DNAH17: variants seen among roughly 807,000 people sequenced by gnomAD.
DNAH17 encodes the protein axonemal beta dynein heavy chain 17.
In DNAH17, 376 loss-of-function variants were observed where a neutral mutation model predicts 485.6. That is an observed-to-expected ratio of 0.77 (90% confidence interval 0.71 to 0.84). The LOEUF is 0.84. DNAH17 is among the 40% of genes least tolerant of loss of function. The pLI is 0.00. For synonymous variants in DNAH17, 3,031 were observed against 2,405.9 expected (o/e 1.26, Z -7.60); for missense variants, 6,370 against 5,839.3 (o/e 1.09, Z -2.96).
chr17:78,506,698 G>C, intron 30 of DNAH17, 22 bp downstream of exon 30: 1 of 1,613,594 alleles, frequency 6.2e-7, no homozygotes, highest in Non-Finnish European at 8.5e-7. Flanking sequence ...TTAAACACCG[G>C]AATGCAAGGG....
intron 26 of DNAH17, 187 bp from the exon 27 acceptor site, chr17:78,510,693 C>T (rs762115853): frequency 3.5e-5 from 25 of 708,440 alleles, no homozygotes; most frequent in Admixed American, 5.6e-5. Context: ...CAAGCCTCAC[C>T]TTCCTTCCCT....
intron 55 of DNAH17, among the ~76,000 whole-genome samples, chr17:78,467,732 C>T (rs1049656936): frequency 7.2e-5 from 11 of 152,216 alleles, no homozygotes; most frequent in African/African-American, 2.4e-4. Context: ...CCTGCTTACC[C>T]TAGAGGTGAT....
At position 78,492,757 on chromosome 17, in the gene DNAH17, T is replaced by C. The variant is rs1236904276; in HGVS notation, c.6417A>G (p.Lys2139=). The change falls in exon 42 of 81, where the codon AAA becomes AAG. Residue 2139 remains lysine (K), a synonymous_variant. Transcript: ENST00000389840. ...GGTTCTGATAGGTCTTGTTGAGGGA[T>C]TTGAGGACCTGGCGAAGGTGGGGGT... ...NAGSGKSQVL[K]SLNKTYQNLK... 6.2e-7 allele frequency: 1 copy of C among 1,611,308 alleles called. No homozygotes were observed. Among genetic ancestry groups the C allele is most frequent in the Non-Finnish European group, 8.5e-7 (1 of 1,178,804 alleles).
At chr17:78,515,066 A>G (rs1200125435) in intron 25 of DNAH17, 44 bp from the exon 26 acceptor site, 1 of 1,605,004 alleles carries the variant, frequency 6.2e-7, no homozygotes, top group East Asian at 2.2e-5. Flanking sequence ...CTCATCAAGG[A>G]GAATTCAGGA....
intron 79 of DNAH17, 22 bp downstream of exon 79, chr17:78,426,435 T>TCTC (rs778214432): frequency 6.3e-7 from 1 of 1,575,832 alleles, no homozygotes; most frequent in South Asian, 1.2e-5. Flanking sequence ...TTAGGAAGCC[T>TCTC]CTCAGAGAAA....
intron 48 of DNAH17, among the ~76,000 whole-genome samples, chr17:78,481,740 C>G (rs1412628921): frequency 6.6e-6 from 1 of 152,184 alleles, no homozygotes; most frequent in Non-Finnish European, 1.5e-5. Flanking sequence ...ATAGGCCAGG[C>G]ACAGTGGCTC....
At chr17:78,569,687 C>T (rs540209681) in intron 7 of DNAH17, among the ~76,000 whole-genome samples, 160 bp from the exon 8 acceptor site, 5 of 152,264 alleles carry the variant, frequency 3.3e-5, no homozygotes, top group Admixed American at 2.6e-4. Context: ...GGGGACCGAG[C>T]TGCTTCCCCT....
At position 78,570,367 on chromosome 17, in the gene DNAH17, G is replaced by A. The variant is rs1397906513; in HGVS notation, c.924C>T (p.Pro308=). 6.2e-7 allele frequency: 1 copy of A among 1,609,950 alleles called. No homozygotes were observed. Among genetic ancestry groups the A allele is most frequent in the Non-Finnish European group, 8.5e-7 (1 of 1,178,674 alleles). Residue 308 remains proline (P), a synonymous_variant, in exon 7 of 81, where the codon CCC becomes CCT. Coordinates refer to ENST00000389840, the MANE Select transcript of DNAH17 (RefSeq NM_173628.4). ...EMEQADFTML[P]TFIAKVLDTI... is the part of the protein sequence containing the mutation. Reference sequence around the variant, plus strand: ...TGTCCAGCACCTTGGCAATGAAGGTGGGGAGCTGGGGGGAGACAGGCCCAG... The same window carrying A: ...TGTCCAGCACCTTGGCAATGAAGGTAGGGAGCTGGGGGGAGACAGGCCCAG...
chr17:78,480,061 G>T (rs1485687791), intron 49 of DNAH17, among the ~76,000 whole-genome samples: 3 of 83,366 alleles, frequency 3.6e-5, no homozygotes, highest in African/African-American at 7.9e-5. Context: ...AAAAAAGTAT[G>T]TCCCAGGCCG....
At position 78,560,905 on chromosome 17, in the gene DNAH17, G is replaced by C. The variant is rs1483965214; in HGVS notation, c.1866C>G (p.Thr622=). The C allele has an allele frequency of 5.2e-6, 8 of 1,550,748 alleles. No individual in the cohort carries two copies. Among genetic ancestry groups the C allele is most frequent in the Non-Finnish European group, 4.4e-6 (5 of 1,147,088 alleles). Residue 622 remains threonine, a synonymous_variant, in exon 13 of 81, where the codon ACC becomes ACG. Transcript: ENST00000389840. ...PVMSGAEAKL[T]YQKYDEMMEL... Reference sequence around the variant, plus strand: ...CCATCATCTCGTCATACTTCTGATAGGTCAGCTTGGCCTCTGCTCCAGACA... The same window carrying C: ...CCATCATCTCGTCATACTTCTGATACGTCAGCTTGGCCTCTGCTCCAGACA...
At chr17:78,431,454 C>G (rs893746807) in intron 75 of DNAH17, among the ~76,000 whole-genome samples, 2 of 151,336 alleles carry the variant, frequency 1.3e-5, no homozygotes, top group African/African-American at 2.4e-5. Flanking sequence ...GGGAACCCCC[C>G]ACCCCGAGAC....
At chr17:78,527,356 AGCCTGG>A (rs1421616859) in intron 22 of DNAH17, among the ~76,000 whole-genome samples, 1 of 152,190 alleles carries the variant, frequency 6.6e-6, no homozygotes, top group African/African-American at 2.4e-5. Context: ...ACTGCACTCC[AGCCTGG>A]GTGACAGAGT....
At chr17:78,426,191 G>C (rs189275950) in intron 79 of DNAH17, among the ~76,000 whole-genome samples, 1 of 152,210 alleles carries the variant, frequency 6.6e-6, no homozygotes, top group African/African-American at 2.4e-5. Flanking sequence ...TATAGAGGAC[G>C]GCTTACCCTT....
In DNAH17 at chr17:78,449,521, G is replaced by T; in HGVS notation, c.11104C>A (p.Arg3702=). ...RTTPANEVKQ[R]VINLTDEITY... The stretch of plus-strand genomic sequence containing the variant: ...ATCTCGTCCGTCAGGTTGATCACCC[G>T]CTGCTTCACCTCGTTGGCAGGGGTG... Residue 3702 remains arginine, a synonymous_variant, in exon 69 of 81, where the codon CGG becomes AGG. Transcript: ENST00000389840. 6.3e-7 allele frequency: 1 copy of T among 1,597,778 alleles called. No homozygotes were observed. Among genetic ancestry groups the T allele is most frequent in the South Asian group, 1.1e-5 (1 of 88,130 alleles).
Position 78,444,481 on chromosome 17 carries a change from G to C in DNAH17, c.11528+123C>G, listed in dbSNP as rs935079549. 3.4e-6 allele frequency: 3 copies of C among 893,352 alleles called. No homozygotes were observed. In the African/African-American group the frequency reaches 5.2e-5, roughly 15 times the overall value. The allele number at this position is 893,352 out of a possible 1,614,324, so 55.3% of individuals were successfully genotyped here. A position where few individuals can be genotyped will look rare whatever the true frequency, so the allele number is the denominator to read the frequency against. On this transcript the variant is annotated intron_variant, in intron 71 of 80. Transcript: ENST00000389840. ...CCCTGTTTCGTTTCTGTGTAAAATGGGGAGAAGAAAAAAGTTCAGGGGATC... is the reference window on the plus strand; with the variant it reads ...CCCTGTTTCGTTTCTGTGTAAAATGCGGAGAAGAAAAAAGTTCAGGGGATC...
rs868375269 is a variant in DNAH17, at chr17:78,432,906, C to A, written c.12225+1123G>T. Among the ~76,000 whole-genome samples, 4 of 117,340 alleles carry A rather than the reference C, an allele frequency of 3.4e-5. 1 individual carries two copies. The highest frequency in any genetic ancestry group is 7.8e-5 in the Admixed American group (1 of 12,778). 77.0% of individuals were successfully genotyped at this position (117,340 alleles called of 152,430 possible). A position where few individuals can be genotyped will look rare whatever the true frequency, so the allele number is the denominator to read the frequency against. On this transcript the variant is annotated intron_variant, in intron 75 of 80. Transcript: ENST00000389840. ...AGCAGAGCAGGCTTCAAACGTGCCC[C>A]CCCCCCCCGACCCCGGTGCCAGCAC...
rs1406189474 is a variant in DNAH17, at chr17:78,537,301, T to C, written c.2857A>G (p.Lys953Glu). 1 of 1,560,940 alleles carries C rather than the reference T, an allele frequency of 6.4e-7. No individual in the cohort carries two copies. Among genetic ancestry groups the C allele is most frequent in the Non-Finnish European group, 8.7e-7 (1 of 1,152,732 alleles). Reference sequence around the variant, plus strand: ...GGCCAGAAGAGGCCAGGACTGACCTTGTAGTTCATCCTGTCCTTGGCCAGC... The same window carrying C: ...GGCCAGAAGAGGCCAGGACTGACCTCGTAGTTCATCCTGTCCTTGGCCAGC... ...PRLAKDRMNY[K>E]MDLEDNTDLI... is the part of the protein sequence containing the mutation. Residue 953 changes from lysine to glutamate, a missense_variant and splice_region_variant, in exon 19 of 81, where the codon AAG becomes GAG. Coordinates refer to ENST00000389840, the MANE Select transcript of DNAH17 (RefSeq NM_173628.4).
At chr17:78,483,037 C>T (rs2089419665) in intron 48 of DNAH17, among the ~76,000 whole-genome samples, 1 of 152,204 alleles carries the variant, frequency 6.6e-6, no homozygotes, top group Non-Finnish European at 1.5e-5. Context: ...TCACAGTAGA[C>T]CTGCCTGCAG....
rs116397552 is a variant in DNAH17, at chr17:78,542,832, C to T, written c.2532+1025G>A. On this transcript the variant is annotated intron_variant, in intron 17 of 80. Coordinates refer to ENST00000389840, the MANE Select transcript of DNAH17 (RefSeq NM_173628.4). ...ACCCTGTGCACGTTCAAATGGTCCTCGCTCTTCCCATGTTACTGTTCCCTA... is the reference window on the plus strand; with the variant it reads ...ACCCTGTGCACGTTCAAATGGTCCTTGCTCTTCCCATGTTACTGTTCCCTA... Among the ~76,000 whole-genome samples, 832 of 152,362 alleles carry T rather than the reference C, an allele frequency of 5.5e-3. 10 individuals are homozygous for T. Among genetic ancestry groups the T allele is most frequent in the African/African-American group, 0.019 (780 of 41,584 alleles).
Sources: gnomAD v4.1 joint callset for allele counts (sites outside exome capture counted in the v4.1 genomes callset) on GRCh38, gnomAD v4.1.1 for gene constraint, MANE v1.5 for transcripts, NCBI Gene and HGNC (gene_info 2026-07-23, HGNC 2026-07-21) for gene names.